KCTD10: variants seen among roughly 807,000 people sequenced by gnomAD.
KCTD10 encodes the protein potassium channel tetramerization domain containing 10.
KCTD10 carries 13 observed loss-of-function variants against 34.6 expected under a neutral mutation model. That is an observed-to-expected ratio of 0.38 (90% CI 0.24 to 0.60). The LOEUF (loss-of-function observed/expected upper bound fraction) is 0.60, where lower values mean the gene tolerates loss of function less well. Ranked by LOEUF, KCTD10 falls within the 20% of genes least tolerant of loss-of-function variation. KCTD10 has a pLI of 0.66. For missense variants in KCTD10, 256 were observed against 420.3 expected, an observed-to-expected ratio of 0.61 and a Z score of 3.42; for synonymous variants, 156 against 168.8, an observed-to-expected ratio of 0.92 and a Z score of 0.59.
rs147644768 is a variant in KCTD10, at chr12:109,476,096, G to T, written c.3+1164C>A. Among the ~76,000 whole-genome samples the T allele has an allele frequency of 4.1e-3, 628 of 152,274 alleles. 5 individuals are homozygous for T. The highest frequency in any genetic ancestry group is 6.2e-3 in the Non-Finnish European group (421 of 68,018). ...CAAGAAATCATTAGTCTAATCCCTT[G>T]CAGGGCTTGTTAAAACCGATAGATG... On this transcript the variant is annotated intron_variant, in intron 1 of 6. Coordinates refer to ENST00000228495, the MANE Select transcript of KCTD10 (RefSeq NM_031954.5).
At chr12:109,472,483 T>A (rs1873936336) in intron 1 of KCTD10, among the ~76,000 whole-genome samples, 2 of 151,996 alleles carry the variant, frequency 1.3e-5, no homozygotes, top group Admixed American at 6.6e-5. Context: ...CAGAAGCACC[T>A]GCCTGAGGCT....
chr12:109,449,067 G>A lies in KCTD10; in HGVS notation c.*2528C>T, dbSNP rs920295755. 6.6e-6 allele frequency: 1 copy of A among 152,174 alleles called. No homozygotes were observed. The highest frequency in any genetic ancestry group is 2.4e-5 in the African/African-American group (1 of 41,410). 9.4% of individuals were successfully genotyped at this position (152,174 alleles called of 1,614,324 possible). On this transcript the variant is annotated 3_prime_UTR_variant, in exon 7 of 7. Transcript: ENST00000228495. Reference sequence around the variant, plus strand: ...AAGCTGTTCCAATTTGTAAAAAACTGTAGTTATTACATTGCAATGAAATCT... The same window carrying A: ...AAGCTGTTCCAATTTGTAAAAAACTATAGTTATTACATTGCAATGAAATCT...
intron 1 of KCTD10, among the ~76,000 whole-genome samples, chr12:109,474,344 G>A (rs565625121): frequency 2.3e-4 from 35 of 152,294 alleles, no homozygotes; most frequent in African/African-American, 7.0e-4. Flanking sequence ...TACTGGCTAC[G>A]GATCTGATTC....
chr12:109,471,942 T>C (rs1873910577), intron 1 of KCTD10, among the ~76,000 whole-genome samples: 1 of 152,190 alleles, frequency 6.6e-6, no homozygotes, highest in African/African-American at 2.4e-5. Context: ...AAGGATTTTT[T>C]TCTAATGGCA....
intron 6 of KCTD10, among the ~76,000 whole-genome samples, chr12:109,452,947 T>A (rs1236252667): frequency 6.6e-6 from 1 of 152,094 alleles, no homozygotes; most frequent in Non-Finnish European, 1.5e-5. Flanking sequence ...AGAGACCACA[T>A]GGTCTGATCC....
chr12:109,464,077 T>C (rs909883479), intron 2 of KCTD10, among the ~76,000 whole-genome samples: 2 of 152,120 alleles, frequency 1.3e-5, no homozygotes, highest in Non-Finnish European at 2.9e-5. Flanking sequence ...GCTTCCTCTC[T>C]CCCTGGATGT....
chr12:109,468,798 A>G (rs1410180751), intron 2 of KCTD10, among the ~76,000 whole-genome samples: 1 of 151,682 alleles, frequency 6.6e-6, no homozygotes, highest in African/African-American at 2.4e-5. Flanking sequence ...GACTACAGGC[A>G]CCCACCACCA....
intron 2 of KCTD10, among the ~76,000 whole-genome samples, chr12:109,468,345 C>A (rs1253158522): frequency 6.6e-6 from 1 of 152,138 alleles, no homozygotes; most frequent in East Asian, 1.9e-4. Context: ...TTAGGTCCCC[C>A]AATCCCACCC....
In KCTD10 at chr12:109,451,644, C is replaced by T; in HGVS notation, c.893G>A (p.Arg298Gln). ...DEERERIERV[R>Q]RIHIKRPDDR... ...ATCAGGGCGCTTGATGTGGATCCTCCGCACGCGCTCGATCCGCTCCCGCTC... is the reference window on the plus strand; with the variant it reads ...ATCAGGGCGCTTGATGTGGATCCTCTGCACGCGCTCGATCCGCTCCCGCTC... The change falls in exon 7 of 7, where the codon CGG (arginine) becomes CAG (glutamine). Residue 298 changes from arginine (R) to glutamine (Q), a missense_variant. By Grantham distance (43) the Arg-to-Gln change is conservative. Coordinates refer to ENST00000228495, the MANE Select transcript of KCTD10 (RefSeq NM_031954.5). This position sits in a 1 kb window ranked among gnomAD's most constrained non-coding sequence, Gnocchi z 5.0. 2 of 1,612,338 alleles carry T rather than the reference C, an allele frequency of 1.2e-6. No homozygotes were observed. Among genetic ancestry groups the T allele is most frequent in the Non-Finnish European group, 1.7e-6 (2 of 1,179,670 alleles).
In KCTD10 at chr12:109,460,690, T is replaced by G; in HGVS notation, c.333A>C (p.Glu111Asp). The change falls in exon 3 of 7, where the codon GAA (glutamate) becomes GAC (aspartate). Residue 111 changes from glutamate to aspartate, a missense_variant. Transcript: ENST00000228495. The surrounding 1 kb of genome is among the most constrained non-coding windows in gnomAD (Gnocchi z 4.5). ...SRREIEELLA[E>D]AKYYLVQGLV... is the part of the protein sequence containing the mutation. ...GGCCTTGGACTAGGTAGTACTTGGC[T>G]TCTGCTAGCAGCTCCTCGATCTCCC... 1.9e-6 allele frequency: 3 copies of G among 1,614,164 alleles called. No individual in the cohort carries two copies. Among genetic ancestry groups the G allele is most frequent in the Non-Finnish European group, 2.5e-6 (3 of 1,180,004 alleles).
intron 2 of KCTD10, chr12:109,464,954 C>A: frequency 4.7e-6 from 2 of 427,884 alleles, no homozygotes; most frequent in South Asian, 3.3e-5. Flanking sequence ...GGCTGAGCTC[C>A]CAACAGTGGG....
chr12:109,457,934 A>T, intron 4 of KCTD10, 58 bp downstream of exon 4: 1 of 1,384,638 alleles, frequency 7.2e-7, no homozygotes, highest in Admixed American at 1.7e-5. Flanking sequence ...AGTTATTCAG[A>T]AGAACCTCCA....
chr12:109,474,598 C>T (rs989553609), intron 1 of KCTD10, among the ~76,000 whole-genome samples: 3 of 151,980 alleles, frequency 2.0e-5, no homozygotes, highest in Non-Finnish European at 4.4e-5. Context: ...AGATTAGAGC[C>T]CACTATTCTA....
intron 1 of KCTD10, among the ~76,000 whole-genome samples, chr12:109,473,839 C>T (rs963432572): frequency 1.2e-4 from 18 of 149,482 alleles, no homozygotes; most frequent in Non-Finnish European, 2.2e-4. Context: ...TACAGTACAA[C>T]GGCACGATCT....
chr12:109,468,390 A>G (rs995504422), intron 2 of KCTD10, among the ~76,000 whole-genome samples: 15 of 152,102 alleles, frequency 9.9e-5, no homozygotes, highest in Non-Finnish European at 1.5e-4. Flanking sequence ...TCCCAAGTCA[A>G]TGTCCCTGGA....
intron 3 of KCTD10, chr12:109,458,922 G>C (rs1237617821): frequency 6.6e-6 from 1 of 152,274 alleles, no homozygotes; most frequent in Non-Finnish European, 1.5e-5. Flanking sequence ...GGACAACAAG[G>C]ACCTTCCATG....
chr12:109,464,052 G>A (rs566454264), intron 2 of KCTD10, among the ~76,000 whole-genome samples: 5 of 152,226 alleles, frequency 3.3e-5, no homozygotes, highest in African/African-American at 7.2e-5. Context: ...TCCCCGCCCC[G>A]TGAGCATACC....
intron 1 of KCTD10, among the ~76,000 whole-genome samples, chr12:109,471,733 T>C (rs1022356153): frequency 6.6e-6 from 1 of 152,154 alleles, no homozygotes; most frequent in East Asian, 1.9e-4. Flanking sequence ...CTTACGGTCA[T>C]GGGTGAGGGT....
At chr12:109,461,414 C>T (rs1440532611) in intron 2 of KCTD10, among the ~76,000 whole-genome samples, 1 of 152,192 alleles carries the variant, frequency 6.6e-6, no homozygotes, top group East Asian at 1.9e-4. Context: ...AGACCCCACC[C>T]TCAGGCAGCT....
Sources: allele counts gnomAD v4.1 joint callset (sites outside exome capture counted in the v4.1 genomes callset), GRCh38; gene constraint gnomAD v4.1.1; non-coding constraint Gnocchi (gnomAD v3.1); transcripts MANE v1.5; gene names NCBI Gene and HGNC (gene_info 2026-07-23, HGNC 2026-07-21).